The following NRF1 variants were observed in gnomAD, a reference collection of about 807,000 sequenced individuals.
The protein encoded by NRF1 is nuclear respiratory factor 1.
A neutral mutation model predicts 58.5 loss-of-function variants in NRF1; 5 were observed. The observed-to-expected ratio is 0.09, with a 90% CI of 0.04 to 0.18. The LOEUF is 0.18. Ranked by LOEUF, NRF1 falls within the 10% of genes least tolerant of loss-of-function variation. NRF1 has a pLI of 1.00. For synonymous variants in NRF1, 224 were observed against 246.7 expected, an observed-to-expected ratio of 0.91 and a Z score of 0.86; for missense variants, 288 against 657.7, an observed-to-expected ratio of 0.44 and a Z score of 6.15.
intron 4 of NRF1, among the ~76,000 whole-genome samples, chr7:129,682,955 A>G (rs1274646730): frequency 6.6e-6 from 1 of 152,096 alleles, no homozygotes; most frequent in Non-Finnish European, 1.5e-5. Context: ...TTTTGAAACA[A>G]GATCTTGTTC....
chr7:129,746,668 G>T (rs937398053), intron 10 of NRF1, among the ~76,000 whole-genome samples: 1 of 152,096 alleles, frequency 6.6e-6, no homozygotes, highest in East Asian at 1.9e-4. Context: ...TCTTACTCAC[G>T]TATTCCTCTC....
Position 129,671,476 on chromosome 7 carries a change from C to A in NRF1, c.271C>A (p.Arg91=). 1 of 1,614,018 alleles carries A rather than the reference C, an allele frequency of 6.2e-7. No homozygotes were observed. Among genetic ancestry groups the A allele is most frequent in the Non-Finnish European group, 8.5e-7 (1 of 1,179,926 alleles). The change falls in exon 3 of 11, where the codon CGG becomes AGG. Residue 91 remains arginine, a synonymous_variant. Coordinates refer to ENST00000393232, the MANE Select transcript of NRF1 (RefSeq NM_005011.5). The part of the protein sequence containing the change: ...AAAAVATGKK[R]KRPHVFESNP... ...TGCTGCTGTGGCAACAGGAAAGAAA[C>A]GGAAACGGCCTCATGTATTTGAGTC...
intron 1 of NRF1, among the ~76,000 whole-genome samples, chr7:129,634,049 T>A (rs1293690899): frequency 7.6e-6 from 1 of 132,340 alleles, no homozygotes; most frequent in East Asian, 2.5e-4. Flanking sequence ...AAAAGATATA[T>A]ATATATATAT....
chr7:129,685,116 TA>T (rs1168263686), intron 4 of NRF1, among the ~76,000 whole-genome samples: 1 of 152,202 alleles, frequency 6.6e-6, no homozygotes, highest in South Asian at 2.1e-4. Flanking sequence ...GTAGAAAATT[TA>T]AAAAAAAATT....
intron 2 of NRF1, among the ~76,000 whole-genome samples, chr7:129,663,855 G>A (rs942802670): frequency 2.6e-5 from 4 of 152,180 alleles, no homozygotes; most frequent in African/African-American, 4.8e-5. Flanking sequence ...TTGAGTGAGC[G>A]AGACTCCGTC....
intron 10 of NRF1, among the ~76,000 whole-genome samples, chr7:129,733,829 G>T (rs1584682469): frequency 6.6e-6 from 1 of 152,032 alleles, no homozygotes; most frequent in African/African-American, 2.4e-5. Context: ...TTCAAGACCA[G>T]CCTGGGCAAC....
intron 1 of NRF1, among the ~76,000 whole-genome samples, chr7:129,638,532 C>T (rs1382303301): frequency 2.6e-5 from 4 of 152,258 alleles, no homozygotes; most frequent in South Asian, 4.1e-4. Context: ...TTGATGGCCT[C>T]TTTTCCCCTT....
intron 1 of NRF1, among the ~76,000 whole-genome samples, chr7:129,613,709 G>A (rs184347740): frequency 0.018 from 2,752 of 149,622 alleles, 40 homozygotes; most frequent in Middle Eastern, 0.046. Flanking sequence ...GACCAGCCTG[G>A]CCAACATGGT....
chr7:129,647,100 C>A (rs1400706139), intron 1 of NRF1, among the ~76,000 whole-genome samples: 1 of 152,050 alleles, frequency 6.6e-6, no homozygotes, highest in African/African-American at 2.4e-5. Flanking sequence ...TGCAGTGGCG[C>A]GATCTTGGCT....
intron 5 of NRF1, among the ~76,000 whole-genome samples, chr7:129,699,097 G>T (rs1802760789): frequency 6.6e-6 from 1 of 152,074 alleles, no homozygotes; most frequent in African/African-American, 2.4e-5. Flanking sequence ...TGTCATTGGG[G>T]CAATCTTTGT....
chr7:129,612,156 C>A (rs1800546327), intron 1 of NRF1, among the ~76,000 whole-genome samples: 1 of 150,772 alleles, frequency 6.6e-6, no homozygotes. Context: ...GCCGTGGAAC[C>A]CGGGGCCCGG....
chr7:129,664,389 G>T (rs1801874373), intron 2 of NRF1, among the ~76,000 whole-genome samples: 1 of 152,146 alleles, frequency 6.6e-6, no homozygotes, highest in African/African-American at 2.4e-5. Flanking sequence ...AATTAATGAT[G>T]AGGAGTGGCC....
intron 1 of NRF1, among the ~76,000 whole-genome samples, chr7:129,622,095 G>A (rs927207583): frequency 1.2e-4 from 18 of 151,874 alleles, no homozygotes; most frequent in African/African-American, 4.4e-4. Context: ...TGTATTTATA[G>A]TGAAAAATTT....
At chr7:129,748,760 T>C (rs1276771064) in intron 10 of NRF1, among the ~76,000 whole-genome samples, 1 of 152,234 alleles carries the variant, frequency 6.6e-6, no homozygotes, top group East Asian at 1.9e-4. Context: ...TAATACTGAA[T>C]ACTGAAAGAA....
chr7:129,743,748 T>A (rs1172326027), intron 10 of NRF1, among the ~76,000 whole-genome samples: 2 of 152,240 alleles, frequency 1.3e-5, no homozygotes, highest in African/African-American at 4.8e-5. Context: ...TGACACATTT[T>A]AAATCCTTGG....
chr7:129,750,929 A>G (rs1804100412), intron 10 of NRF1, among the ~76,000 whole-genome samples: 1 of 152,206 alleles, frequency 6.6e-6, no homozygotes, highest in Admixed American at 6.5e-5. Flanking sequence ...GGTTTCATTC[A>G]TGGTAGTAGA....
intron 3 of NRF1, among the ~76,000 whole-genome samples, chr7:129,676,893 A>G (rs1802192111): frequency 2.0e-5 from 3 of 152,258 alleles, no homozygotes; most frequent in African/African-American, 7.2e-5. Context: ...TCAATGAAAT[A>G]TAAACAATGA....
In NRF1 at chr7:129,701,838, A is replaced by C. The variant is rs564587007; in HGVS notation, c.607-7237A>C. Among the ~76,000 whole-genome samples, 3 of 152,324 alleles carry C rather than the reference A, an allele frequency of 2.0e-5. No individual in the cohort carries two copies. In the East Asian group the frequency reaches 5.8e-4, roughly 29 times the overall value. ...AATCTAAATGTTTATCAGTAGGGGA[A>C]TGGCTAAATAAAATGGAAATTCTAT... On this transcript the variant is annotated intron_variant, in intron 5 of 10. Coordinates refer to ENST00000393232, the MANE Select transcript of NRF1 (RefSeq NM_005011.5).
At chr7:129,716,141 T>C (rs1478799340) in intron 8 of NRF1, among the ~76,000 whole-genome samples, 2 of 152,112 alleles carry the variant, frequency 1.3e-5, no homozygotes, top group Non-Finnish European at 2.9e-5. Flanking sequence ...ACAAAAGATA[T>C]GTAGAATATG....
Sources: allele counts gnomAD v4.1 joint callset (sites outside exome capture counted in the v4.1 genomes callset), GRCh38; gene constraint gnomAD v4.1.1; transcripts MANE v1.5; gene names NCBI Gene and HGNC (gene_info 2026-07-23, HGNC 2026-07-21).